Variants in SLIT1 observed in about 807,000 individuals in gnomAD.
SLIT1 encodes slit guidance ligand 1, also known as slit homolog 1 protein.
A neutral mutation model predicts 186.1 loss-of-function variants in SLIT1; 66 were observed. That is an observed-to-expected ratio of 0.35 (90% CI 0.29 to 0.44). SLIT1 has a LOEUF of 0.44. Among genes scored for constraint, SLIT1 ranks in the 20% least tolerant of loss-of-function variants. The pLI, the probability that SLIT1 is intolerant of heterozygous loss-of-function variation, is 1.00. For synonymous variants in SLIT1, 761 were observed against 833.8 expected, an observed-to-expected ratio of 0.91 and a Z score of 1.50; for missense variants, 1,638 against 2,037.4, an observed-to-expected ratio of 0.80 and a Z score of 3.77.
In SLIT1 at chr10:97,064,224, G is replaced by A. The variant is rs745894966; in HGVS notation, c.573C>T (p.Asn191=). 7.5e-5 allele frequency: 121 copies of A among 1,613,698 alleles called. 2 individuals carry two copies. In the South Asian group the frequency reaches 1.2e-3, roughly 15 times the overall value. ...TGGACACGGGGATGGTGGTGATATT[G>A]TTGTTGTTCAGGGTCCTAAATGGGA... ...RGLEVLTLNN[N]NITTIPVSSF... The change falls in exon 7 of 37, where the codon AAC becomes AAT. Residue 191 remains asparagine, a synonymous_variant. Coordinates refer to ENST00000266058, the MANE Select transcript of SLIT1 (RefSeq NM_003061.3).
At chr10:97,092,670 G>A (rs1261968323) in intron 4 of SLIT1, among the ~76,000 whole-genome samples, 1 of 152,222 alleles carries the variant, frequency 6.6e-6, no homozygotes, top group Admixed American at 6.5e-5. Flanking sequence ...CAAGCTTCTG[G>A]AAGAGAGACT....
At chr10:97,071,071 A>G (rs1288434607) in intron 4 of SLIT1, among the ~76,000 whole-genome samples, 4 of 152,134 alleles carry the variant, frequency 2.6e-5, no homozygotes, top group Admixed American at 1.3e-4. Flanking sequence ...CAGCCTCCCA[A>G]TACAATATTT....
In SLIT1 at chr10:97,021,543, G is replaced by A. The variant is rs1453483932; in HGVS notation, c.2583-130C>T. 11 of 707,042 alleles carry A rather than the reference G, an allele frequency of 1.6e-5. No homozygotes were observed. Among genetic ancestry groups the A allele is most frequent in the Non-Finnish European group, 2.0e-5 (9 of 439,134 alleles). The allele number at this position is 707,042 out of a possible 1,614,324, so 43.8% of individuals were successfully genotyped here. A position where few individuals can be genotyped will look rare whatever the true frequency, so the allele number is the denominator to read the frequency against. ...AGCCTCCATTTCATGAGCATTTACTGTATAGTCAGTGCTGCTTTTTTTTTT... is the reference window on the plus strand; with the variant it reads ...AGCCTCCATTTCATGAGCATTTACTATATAGTCAGTGCTGCTTTTTTTTTT... On this transcript the variant is annotated intron_variant, in intron 25 of 36. Coordinates refer to ENST00000266058, the MANE Select transcript of SLIT1 (RefSeq NM_003061.3). The surrounding 1 kb of genome is among the most constrained non-coding windows in gnomAD (Gnocchi z 4.5).
Position 97,043,339 on chromosome 10 carries a change from C to T in SLIT1, c.1997+31G>A, listed in dbSNP as rs1488593989. 6.2e-7 allele frequency: 1 copy of T among 1,612,178 alleles called. No homozygotes were observed. Among genetic ancestry groups the T allele is most frequent in the Admixed American group, 1.7e-5 (1 of 60,010 alleles). On this transcript the variant is annotated intron_variant, in intron 19 of 36. Coordinates refer to ENST00000266058, the MANE Select transcript of SLIT1 (RefSeq NM_003061.3). The surrounding 1 kb of genome is among the most constrained non-coding windows in gnomAD (Gnocchi z 7.0). ...CGGTTGGGACGGTTGCTCCAGAGCC[C>T]CCGCCCGCCTGTCCTGGAGGCCGGA...
At chr10:97,160,471 C>T (rs1850011312) in intron 3 of SLIT1, among the ~76,000 whole-genome samples, 1 of 152,052 alleles carries the variant, frequency 6.6e-6, no homozygotes, top group African/African-American at 2.4e-5. Flanking sequence ...AGGAATACTC[C>T]CCCAGATTGC....
intron 1 of SLIT1, among the ~76,000 whole-genome samples, chr10:97,166,628 A>AG (rs1373795152): frequency 2.1e-4 from 31 of 146,194 alleles, no homozygotes; most frequent in Middle Eastern, 7.0e-3. Context: ...AGAAAGAGAA[A>AG]AGAAAAGAAA....
In SLIT1 at chr10:97,001,074, C is replaced by A. The variant is rs755972258; in HGVS notation, c.*38G>T. The A allele has an allele frequency of 2.6e-6, 4 of 1,558,562 alleles. No homozygotes were observed. The highest frequency in any genetic ancestry group is 2.2e-5 in the South Asian group (2 of 89,158). ...GTCTCCGCTGCTGCAGCGGCTGGGGCCCCTTGCCCGCCCTCACCGGCCTGT... is the reference window on the plus strand; with the variant it reads ...GTCTCCGCTGCTGCAGCGGCTGGGGACCCTTGCCCGCCCTCACCGGCCTGT... On this transcript the variant is annotated 3_prime_UTR_variant, in exon 37 of 37. Coordinates refer to ENST00000266058, the MANE Select transcript of SLIT1 (RefSeq NM_003061.3).
At chr10:97,124,763 AC>A (rs1204915001) in intron 4 of SLIT1, among the ~76,000 whole-genome samples, 1 of 152,190 alleles carries the variant, frequency 6.6e-6, no homozygotes, top group Non-Finnish European at 1.5e-5. Context: ...AGCAGCATGG[AC>A]ATTAGAAGAA....
intron 4 of SLIT1, among the ~76,000 whole-genome samples, chr10:97,135,081 G>A (rs1409726363): frequency 2.0e-5 from 3 of 152,170 alleles, no homozygotes; most frequent in Admixed American, 6.5e-5. Flanking sequence ...AAATGAAAAA[G>A]TAAATATCTG....
Position 97,037,858 on chromosome 10 carries a change from C to T in SLIT1, c.2298-92G>A, listed in dbSNP as rs148848726. On this transcript the variant is annotated intron_variant, in intron 21 of 36. Coordinates refer to ENST00000266058, the MANE Select transcript of SLIT1 (RefSeq NM_003061.3). Reference sequence around the variant, plus strand: ...GCCTTCCCTGCAGCCAGGGACTTCGCTCTCATTTCCTCTCCTCCACATAGG... The same window carrying T: ...GCCTTCCCTGCAGCCAGGGACTTCGTTCTCATTTCCTCTCCTCCACATAGG... The T allele has an allele frequency of 4.0e-4, 368 of 922,136 alleles. 1 individual carries two copies. Among genetic ancestry groups the T allele is most frequent in the Non-Finnish European group, 5.9e-4 (348 of 591,688 alleles). 57.1% of individuals were successfully genotyped at this position (922,136 alleles called of 1,614,324 possible).
rs140631111 is a variant in SLIT1, at chr10:97,005,966, T to C, written c.3579+517A>G. Among the ~76,000 whole-genome samples, 499 of 152,238 alleles carry C rather than the reference T, an allele frequency of 3.3e-3. 1 individual carries two copies. Among genetic ancestry groups the C allele is most frequent in the African/African-American group, 0.011 (461 of 41,540 alleles). On this transcript the variant is annotated intron_variant, in intron 32 of 36. Coordinates refer to ENST00000266058, the MANE Select transcript of SLIT1 (RefSeq NM_003061.3). ...TCTCCTCTCCATCCCCCAAAAGAAG[T>C]GTTTAGCAAAATATTGATATATTTC...
chr10:97,069,482 C>T (rs1848982881), intron 4 of SLIT1, among the ~76,000 whole-genome samples: 1 of 152,246 alleles, frequency 6.6e-6, no homozygotes, highest in South Asian at 2.1e-4. Context: ...GACTTGCTTT[C>T]ATGGGGTGTA....
intron 30 of SLIT1, 35 bp from the exon 31 acceptor site, chr10:97,011,165 A>G: frequency 6.5e-7 from 1 of 1,548,678 alleles, no homozygotes; most frequent in Non-Finnish European, 8.9e-7. Context: ...TTGGGGGGTC[A>G]GCCACACAGA....
chr10:97,177,007 C>A (rs1850265169), intron 1 of SLIT1, among the ~76,000 whole-genome samples: 1 of 152,218 alleles, frequency 6.6e-6, no homozygotes, highest in Non-Finnish European at 1.5e-5. Flanking sequence ...GTGCCCTGGG[C>A]ACTCCAGAAT....
chr10:97,054,680 A>G (rs1589376541), intron 13 of SLIT1, among the ~76,000 whole-genome samples: 2 of 152,332 alleles, frequency 1.3e-5, no homozygotes, highest in East Asian at 3.9e-4. Context: ...TCCAATTTTC[A>G]ATCTGCAGGA....
chr10:97,060,544 G>C (rs927293215), intron 9 of SLIT1, 96 bp downstream of exon 9: 7 of 1,482,184 alleles, frequency 4.7e-6, no homozygotes, highest in Non-Finnish European at 6.5e-6. Context: ...GTTGGGGCAA[G>C]CCCTGAGGCA....
chr10:97,141,787 G>T (rs1173950563), intron 4 of SLIT1, among the ~76,000 whole-genome samples: 1 of 151,362 alleles, frequency 6.6e-6, no homozygotes, highest in Non-Finnish European at 1.5e-5. Context: ...GTATTGTATT[G>T]TACTGTATTG....
intron 4 of SLIT1, among the ~76,000 whole-genome samples, chr10:97,121,344 G>A (rs1241519148): frequency 1.3e-5 from 2 of 152,164 alleles, no homozygotes; most frequent in Non-Finnish European, 2.9e-5. Context: ...ACCAGGACGA[G>A]CTGATCTGTC....
At chr10:97,159,075 G>A (rs536691010) in intron 3 of SLIT1, among the ~76,000 whole-genome samples, 2 of 152,288 alleles carry the variant, frequency 1.3e-5, no homozygotes, top group East Asian at 1.9e-4. Flanking sequence ...AGCCCCAGGG[G>A]TGTCTGAGGG....
Sources: allele counts gnomAD v4.1 joint callset (sites outside exome capture counted in the v4.1 genomes callset), GRCh38; gene constraint gnomAD v4.1.1; non-coding constraint Gnocchi (gnomAD v3.1); transcripts MANE v1.5; gene names NCBI Gene and HGNC (gene_info 2026-07-23, HGNC 2026-07-21).